Variants in TNXB observed in about 807,000 individuals in gnomAD.
The protein encoded by TNXB is tenascin XB, also known as tenascin-X.
A neutral mutation model predicts 340.5 loss-of-function variants in TNXB; 183 were observed. The observed-to-expected ratio is 0.54, with a 90% CI of 0.48 to 0.61. The LOEUF (loss-of-function observed/expected upper bound fraction) is 0.61, where lower values mean the gene tolerates loss of function less well. TNXB is among the 20% of genes least tolerant of loss of function. TNXB has a pLI of 0.00. For missense variants in TNXB, 4,613 were observed against 5,446.4 expected (o/e 0.85, Z 4.82); for synonymous variants, 2,121 against 2,314.5 (o/e 0.92, Z 2.40).
rs763075781 is a variant in TNXB, at chr6:32,073,679, C to T, written c.4649G>A (p.Arg1550His). The T allele has an allele frequency of 2.7e-5, 44 of 1,609,352 alleles. 1 individual carries two copies. Among genetic ancestry groups the T allele is most frequent in the South Asian group, 6.6e-5 (6 of 90,506 alleles). The change falls in exon 12 of 44, where the codon CGC becomes CAC. Residue 1550 changes from arginine to histidine, a missense_variant. Physicochemically the swap from Arg to His is conservative, Grantham distance 29. This residue lies in a region of TNXB where 4,327 missense variants were observed against 4,859.4 expected (regional missense o/e 0.89). Transcript: ENST00000644971. The surrounding 1 kb of genome is among the most constrained non-coding windows in gnomAD (Gnocchi z 4.6). ...GATGACCACAGACAGGGGGCCCATG[C>T]GTTGCCCATCATGTAGTCCATACAT... ...MNMYGLHDGQ[R>H]MGPLSVVIVT...
In TNXB at chr6:32,047,710, G is replaced by A. The variant is rs1006961540; in HGVS notation, c.10324+24C>T. ...TCGGATGAGAGGCAGCTCTGGAAAAGGTGGAGGCTGGACTGGGACTCACCT... is the reference window on the plus strand; with the variant it reads ...TCGGATGAGAGGCAGCTCTGGAAAAAGTGGAGGCTGGACTGGGACTCACCT... On this transcript the variant is annotated intron_variant, in intron 30 of 43. Coordinates refer to ENST00000644971, the MANE Select transcript of TNXB (RefSeq NM_001365276.2). The surrounding 1 kb of genome is among the most constrained non-coding windows in gnomAD (Gnocchi z 6.2). 6.4e-7 allele frequency: 1 copy of A among 1,563,412 alleles called. No individual in the cohort carries two copies.
chr6:32,061,499 C>T lies in TNXB; in HGVS notation c.7390G>A (p.Val2464Ile). 1 of 1,613,604 alleles carries T rather than the reference C, an allele frequency of 6.2e-7. No individual in the cohort carries two copies. Among genetic ancestry groups the T allele is most frequent in the Non-Finnish European group, 8.5e-7 (1 of 1,179,874 alleles). ...VVRVGGEESE[V>I]TVGGLEPGRK... ...CCAGGCTCCAGGCCCCCCACGGTGA[C>T]CTCGCTCTCCTCGCCCCCAACACGC... Residue 2464 changes from valine to isoleucine, a missense_variant, in exon 21 of 44, where the codon GTC (valine) becomes ATC (isoleucine). Val to Ile is a conservative substitution (Grantham distance 29). This residue lies in a region of TNXB where 4,327 missense variants were observed against 4,859.4 expected (regional missense o/e 0.89). Coordinates refer to ENST00000644971, the MANE Select transcript of TNXB (RefSeq NM_001365276.2). This position sits in a 1 kb window ranked among gnomAD's most constrained non-coding sequence, Gnocchi z 4.4.
At chr6:32,101,588 C>T (rs968125117) in intron 1 of TNXB, among the ~76,000 whole-genome samples, 166 of 126,178 alleles carry the variant, frequency 1.3e-3, no homozygotes, top group African/African-American at 4.8e-3. Context: ...CGCACCCAGC[C>T]TTTTTTTTTT....
Position 32,079,728 on chromosome 6 carries a change from CAT to C in TNXB, c.4043-365_4043-364del, listed in dbSNP as rs1779330564. Among the ~76,000 whole-genome samples, 1 of 152,166 alleles carries C rather than the reference CAT, an allele frequency of 6.6e-6. No individual in the cohort carries two copies. Among genetic ancestry groups the C allele is most frequent in the African/African-American group, 2.4e-5 (1 of 41,450 alleles). On this transcript the variant is annotated intron_variant, in intron 10 of 43. Transcript: ENST00000644971. This position sits in a 1 kb window ranked among gnomAD's most constrained non-coding sequence, Gnocchi z 7.1. ...AGGGCACTCTGGCTGCCCCACCCCTCATATGAGGATCTGACCATGGAATGTGC... is the reference window on the plus strand; with the variant it reads ...AGGGCACTCTGGCTGCCCCACCCCTCATGAGGATCTGACCATGGAATGTGC...
intron 4 of TNXB, 71 bp downstream of exon 4, chr6:32,095,005 C>T: frequency 2.3e-6 from 3 of 1,281,734 alleles, no homozygotes; most frequent in Non-Finnish European, 3.3e-6. Flanking sequence ...CTGGAACTTC[C>T]TCCAGGAGGT....
At chr6:32,055,117 C>T (rs760523266) in intron 24 of TNXB, among the ~76,000 whole-genome samples, 4 of 152,198 alleles carry the variant, frequency 2.6e-5, no homozygotes, top group Non-Finnish European at 5.9e-5. Context: ...CTTAGTGAGA[C>T]GCCCGGTAAT....
At position 32,081,483 on chromosome 6, in the gene TNXB, C is replaced by T. The variant is rs1779431058; in HGVS notation, c.3927G>A (p.Gly1309=). 1 of 1,604,548 alleles carries T rather than the reference C, an allele frequency of 6.2e-7. No homozygotes were observed. ...QGQPQAVPVA[G]DENEVTVPGL... ...CGGGGACAGTAACCTCATTCTCATCCCCCGCAACAGGCACTGCCTGGGGCT... is the reference window on the plus strand; with the variant it reads ...CGGGGACAGTAACCTCATTCTCATCTCCCGCAACAGGCACTGCCTGGGGCT... The change falls in exon 10 of 44, where the codon GGG becomes GGA. Residue 1309 remains glycine, a synonymous_variant. Transcript: ENST00000644971. This position sits in a 1 kb window ranked among gnomAD's most constrained non-coding sequence, Gnocchi z 5.1.
chr6:32,099,946 T>TAGAAA (rs1554335656), intron 1 of TNXB, among the ~76,000 whole-genome samples: 2 of 62,824 alleles, frequency 3.2e-5, no homozygotes, highest in African/African-American at 1.3e-4. Flanking sequence ...CATCCCTAAG[T>TAGAAA]AAAAAAAAAA....
Position 32,074,215 on chromosome 6 carries a change from G to A in TNXB, c.4376-263C>T, listed in dbSNP as rs57301752. Among the ~76,000 whole-genome samples the A allele has an allele frequency of 7.6e-4, 116 of 152,102 alleles. No homozygotes were observed. Among genetic ancestry groups the A allele is most frequent in the Middle Eastern group, 3.4e-3 (1 of 294 alleles). On this transcript the variant is annotated intron_variant, in intron 11 of 43. Coordinates refer to ENST00000644971, the MANE Select transcript of TNXB (RefSeq NM_001365276.2). This position sits in a 1 kb window ranked among gnomAD's most constrained non-coding sequence, Gnocchi z 5.5. ...GTGTGTGTGTATTTTTAGTGGAGAC[G>A]GCATTTGCCATGTTGGCCAGGCTGG...
chr6:32,092,978 G>C (rs751573393), intron 4 of TNXB, among the ~76,000 whole-genome samples: 5 of 152,250 alleles, frequency 3.3e-5, no homozygotes, highest in Non-Finnish European at 7.3e-5. Flanking sequence ...TCCTGGCTCT[G>C]AGTGAGGGAG....
In TNXB at chr6:32,089,062, AGAG is replaced by A. The variant is rs199775035; in HGVS notation, c.2516-17_2516-15del. On this transcript the variant is annotated splice_polypyrimidine_tract_variant and intron_variant, in intron 5 of 43. Transcript: ENST00000644971. This position sits in a 1 kb window ranked among gnomAD's most constrained non-coding sequence, Gnocchi z 6.2. ...GCCCATCGATCACTAGCCAGGTTAA[AGAG>A]GAGGACTCAGGTGGGTGTCTGGTTC... The A allele has an allele frequency of 1.5e-3, 2,418 of 1,604,874 alleles. 81 individuals are homozygous for A. The Admixed American group carries it at 0.04, about 26-fold the overall frequency.
At chr6:32,099,273 G>A (rs927702739) in intron 1 of TNXB, among the ~76,000 whole-genome samples, 3 of 145,048 alleles carry the variant, frequency 2.1e-5, no homozygotes, top group Non-Finnish European at 4.5e-5. Context: ...TTACTCTGTC[G>A]CCCAGGCTGG....
chr6:32,069,078 G>C lies in TNXB; in HGVS notation c.5646C>G (p.Pro1882=). ...TTAPTPPAPE[P]HLGELTVEEA... ...CCTCCACTGTCAACTCCCCGAGGTG[G>C]GGCTCAGGCGCTGGAGGGGTCGGGG... Residue 1882 remains proline, a synonymous_variant, in exon 16 of 44, where the codon CCC becomes CCG. Coordinates refer to ENST00000644971, the MANE Select transcript of TNXB (RefSeq NM_001365276.2). This position sits in a 1 kb window ranked among gnomAD's most constrained non-coding sequence, Gnocchi z 6.2. 1 of 1,612,718 alleles carries C rather than the reference G, an allele frequency of 6.2e-7. No homozygotes were observed. The highest frequency in any genetic ancestry group is 1.3e-5 in the African/African-American group (1 of 75,052).
At chr6:32,099,451 C>T (rs373779935) in intron 1 of TNXB, among the ~76,000 whole-genome samples, 3 of 152,086 alleles carry the variant, frequency 2.0e-5, no homozygotes, top group African/African-American at 2.4e-5. Context: ...AGGCTGGTCT[C>T]GAACTCCTGA....
At chr6:32,048,090 T>C in intron 29 of TNXB, 78 bp from the exon 30 acceptor site, 1 of 1,497,946 alleles carries the variant, frequency 6.7e-7, no homozygotes, top group Non-Finnish European at 9.0e-7. Context: ...GCTATGGCTC[T>C]GTGAGCCGGT....
In TNXB at chr6:32,097,723, C is replaced by T; in HGVS notation, c.403+73G>A. ...AAGGAGTGCCTTCTTCTAATTCATACCAAGGACCTTTATGGACTAGCAATG... is the reference window on the plus strand; with the variant it reads ...AAGGAGTGCCTTCTTCTAATTCATATCAAGGACCTTTATGGACTAGCAATG... On this transcript the variant is annotated intron_variant, in intron 2 of 43. Transcript: ENST00000644971. The surrounding 1 kb of genome is among the most constrained non-coding windows in gnomAD (Gnocchi z 5.9). The T allele has an allele frequency of 6.9e-7, 1 of 1,456,022 alleles. No individual in the cohort carries two copies. The highest frequency in any genetic ancestry group is 2.3e-5 in the East Asian group (1 of 42,904). The allele number at this position is 1,456,022 out of a possible 1,614,324, so 90.2% of individuals were successfully genotyped here.
rs1438932436 is a variant in TNXB, at chr6:32,086,094, C to T, written c.2804G>A (p.Gly935Glu). 3 of 1,549,878 alleles carry T rather than the reference C, an allele frequency of 1.9e-6. No individual in the cohort carries two copies. Among genetic ancestry groups the T allele is most frequent in the Admixed American group, 3.9e-5 (2 of 51,690 alleles). ...NTGSSPLGLLGTTDEPPPSGP... is the reference protein window; with the variant it reads ...NTGSSPLGLLETTDEPPPSGP... ...TGAGGGAGGAGGCTCATCGGTAGTC[C>T]CCAAGAGGCCCAAGGGTGAGGACCC... The change falls in exon 7 of 44, where the codon GGG (glycine) becomes GAG (glutamate). Residue 935 changes from glycine to glutamate, a missense_variant. Coordinates refer to ENST00000644971, the MANE Select transcript of TNXB (RefSeq NM_001365276.2).
chr6:32,097,064 G>A lies in TNXB; in HGVS notation c.789C>T (p.Arg263=). 1 of 1,613,752 alleles carries A rather than the reference G, an allele frequency of 6.2e-7. No homozygotes were observed. Among genetic ancestry groups the A allele is most frequent in the Non-Finnish European group, 8.5e-7 (1 of 1,179,762 alleles). Reference sequence around the variant, plus strand: ...CAGTGTAGCCTGGGTCACACACGCAGCGCCCACCCTCACAGCGTCCCCTCT... The same window carrying A: ...CAGTGTAGCCTGGGTCACACACGCAACGCCCACCCTCACAGCGTCCCCTCT... ...CSQRGRCEGG[R]CVCDPGYTGD... is the part of the protein sequence containing the mutation. The change falls in exon 3 of 44, where the codon CGC becomes CGT. Residue 263 remains arginine, a synonymous_variant. Transcript: ENST00000644971. This position sits in a 1 kb window ranked among gnomAD's most constrained non-coding sequence, Gnocchi z 5.9.
chr6:32,058,094 G>A lies in TNXB; in HGVS notation c.7789C>T (p.Arg2597Trp), dbSNP rs776540292. ...ACGGCAGACACCGGGCCCAGGCGCC[G>A]CCCCTCGTGGAGGCCGTACAGGTGC... ...KMHLYGLHEG[R>W]RLGPVSAVGV... is the part of the protein sequence containing the mutation. Residue 2597 changes from arginine (R) to tryptophan (W), a missense_variant, in exon 22 of 44, where the codon CGG (arginine) becomes TGG (tryptophan). Arg to Trp is a moderately radical substitution (Grantham distance 101, BLOSUM62 -3). Transcript: ENST00000644971. The surrounding 1 kb of genome is among the most constrained non-coding windows in gnomAD (Gnocchi z 5.1). 13 of 1,610,206 alleles carry A rather than the reference G, an allele frequency of 8.1e-6. No homozygotes were observed. The highest frequency in any genetic ancestry group is 3.3e-5 in the South Asian group (3 of 91,010).
Sources: allele counts gnomAD v4.1 joint callset (sites outside exome capture counted in the v4.1 genomes callset), GRCh38; gene constraint gnomAD v4.1.1; regional missense constraint gnomAD v4.1.1; non-coding constraint Gnocchi (gnomAD v3.1); transcripts MANE v1.5; gene names NCBI Gene and HGNC (gene_info 2026-07-23, HGNC 2026-07-21).